The following NCAM2 variants were observed in gnomAD, a reference collection of about 807,000 sequenced individuals.
The protein encoded by NCAM2 is neural cell adhesion molecule 2.
NCAM2 carries 30 observed loss-of-function variants against 98.1 expected under a neutral mutation model. The observed-to-expected ratio is 0.31, with a 90% CI of 0.23 to 0.41. The LOEUF is 0.41. Ranked by LOEUF, NCAM2 falls within the 10% of genes least tolerant of loss-of-function variation. The pLI is 1.00. For synonymous variants in NCAM2, 368 were observed against 342.4 expected, an observed-to-expected ratio of 1.07 and a Z score of -0.83; for missense variants, 867 against 1,005.8, an observed-to-expected ratio of 0.86 and a Z score of 1.87.
chr21:21,456,262 G>A (rs1217222200), intron 12 of NCAM2, among the ~76,000 whole-genome samples: 2 of 152,152 alleles, frequency 1.3e-5, no homozygotes, highest in African/African-American at 4.8e-5. Flanking sequence ...GTGTATAATA[G>A]TAACAAAGTG....
At chr21:21,171,978 T>A (rs2068139383) in intron 1 of NCAM2, among the ~76,000 whole-genome samples, 1 of 152,170 alleles carries the variant, frequency 6.6e-6, no homozygotes, top group Admixed American at 6.5e-5. Context: ...CTAATCACTG[T>A]AAGCAAAATA....
rs1355107782 is a variant in NCAM2, at chr21:21,282,911, T to C, written c.131-1283T>C. Among the ~76,000 whole-genome samples the C allele has an allele frequency of 2.0e-5, 3 of 151,818 alleles. No individual in the cohort carries two copies. The East Asian group carries it at 5.8e-4, about 29-fold the overall frequency. ...AATGAAAATGAAATGTTCTATTATA[T>C]TAAGAATGAAAAGACTCAAAATATT... On this transcript the variant is annotated intron_variant, in intron 2 of 17. Coordinates refer to ENST00000400546, the MANE Select transcript of NCAM2 (RefSeq NM_004540.5).
intron 1 of NCAM2, among the ~76,000 whole-genome samples, chr21:21,043,535 AAAT>A (rs1169602889): frequency 1.3e-5 from 2 of 151,800 alleles, no homozygotes; most frequent in African/African-American, 2.4e-5. Context: ...ATTTTTGAAG[AAAT>A]AATATTATAT....
At chr21:21,306,782 A>C (rs530628346) in intron 5 of NCAM2, among the ~76,000 whole-genome samples, 1 of 152,206 alleles carries the variant, frequency 6.6e-6, no homozygotes, top group Non-Finnish European at 1.5e-5. Context: ...TCAAATAGTA[A>C]GTCTTATTGA....
chr21:21,191,747 C>T (rs1264063906), intron 1 of NCAM2, among the ~76,000 whole-genome samples: 1 of 152,128 alleles, frequency 6.6e-6, no homozygotes, highest in African/African-American at 2.4e-5. Flanking sequence ...TGAGTTTCTT[C>T]TGTGCAGCAG....
chr21:21,303,912 CAT>C (rs2073804240), intron 5 of NCAM2, among the ~76,000 whole-genome samples: 1 of 152,114 alleles, frequency 6.6e-6, no homozygotes, highest in Non-Finnish European at 1.5e-5. Context: ...CAGCATTGAT[CAT>C]TTTTGGTAAA....
chr21:21,135,086 A>C (rs1281667419), intron 1 of NCAM2, among the ~76,000 whole-genome samples: 1 of 150,372 alleles, frequency 6.7e-6, no homozygotes, highest in Non-Finnish European at 1.5e-5. Flanking sequence ...ATACAAAAAA[A>C]AAAAAAAAAA....
At position 21,396,114 on chromosome 21, in the gene NCAM2, C is replaced by T. The variant is rs141334649; in HGVS notation, c.1196-14160C>T. Among the ~76,000 whole-genome samples, 15 of 150,486 alleles carry T rather than the reference C, an allele frequency of 1.0e-4. No homozygotes were observed. The East Asian group carries it at 1.2e-3, about 12-fold the overall frequency. On this transcript the variant is annotated intron_variant, in intron 9 of 17. Coordinates refer to ENST00000400546, the MANE Select transcript of NCAM2 (RefSeq NM_004540.5). ...AGAGAATCTTCACAAACTGTGCATC[C>T]GACAAAGGACTAATATCAAGAATCT...
At chr21:21,452,682 A>G (rs1388858601) in intron 12 of NCAM2, among the ~76,000 whole-genome samples, 3 of 112,484 alleles carry the variant, frequency 2.7e-5, no homozygotes, top group East Asian at 2.5e-4. Flanking sequence ...TATGTATTAT[A>G]TATTTATATA....
intron 1 of NCAM2, among the ~76,000 whole-genome samples, chr21:21,172,684 T>G (rs2146855214): frequency 6.6e-6 from 1 of 152,260 alleles, no homozygotes; most frequent in East Asian, 1.9e-4. Flanking sequence ...ACTATCAATT[T>G]TATCTAGAGC....
At chr21:21,472,213 C>T (rs1020866990) in intron 14 of NCAM2, among the ~76,000 whole-genome samples, 2 of 151,806 alleles carry the variant, frequency 1.3e-5, no homozygotes, top group African/African-American at 4.8e-5. Context: ...TAATTGGTAG[C>T]TTAAAATCAA....
intron 1 of NCAM2, among the ~76,000 whole-genome samples, chr21:21,145,170 G>A (rs2067245934): frequency 1.3e-5 from 2 of 151,938 alleles, no homozygotes; most frequent in Admixed American, 1.3e-4. Context: ...GAAAACCTCT[G>A]ACAATAATGA....
At chr21:21,386,971 C>G (rs1254778452) in intron 9 of NCAM2, among the ~76,000 whole-genome samples, 1 of 152,136 alleles carries the variant, frequency 6.6e-6, no homozygotes, top group Non-Finnish European at 1.5e-5. Flanking sequence ...AGACCTTGCC[C>G]TGGGAATCCC....
intron 1 of NCAM2, among the ~76,000 whole-genome samples, chr21:21,033,080 A>G (rs1486098470): frequency 6.6e-6 from 1 of 151,644 alleles, no homozygotes; most frequent in African/African-American, 2.4e-5. Flanking sequence ...AAGTAGCTGT[A>G]GCTGGGATTA....
chr21:21,112,195 T>A (rs1182085169), intron 1 of NCAM2, among the ~76,000 whole-genome samples: 3 of 152,204 alleles, frequency 2.0e-5, no homozygotes, highest in African/African-American at 7.2e-5. Context: ...TATTCTATAG[T>A]GATTCATTGT....
At chr21:21,422,290 G>A (rs2077127017) in intron 11 of NCAM2, among the ~76,000 whole-genome samples, 1 of 152,138 alleles carries the variant, frequency 6.6e-6, no homozygotes, top group Non-Finnish European at 1.5e-5. Flanking sequence ...ATAGACACTG[G>A]AGACTCCCAA....
intron 16 of NCAM2, among the ~76,000 whole-genome samples, chr21:21,520,753 T>A (rs1039127851): frequency 2.0e-5 from 3 of 152,168 alleles, no homozygotes; most frequent in African/African-American, 7.2e-5. Context: ...TCACAACTTA[T>A]CAGAGCAGAA....
chr21:21,508,986 G>T lies in NCAM2; in HGVS notation c.2213G>T (p.Arg738Ile). Residue 738 changes from arginine (R) to isoleucine (I), a missense_variant, in exon 16 of 18, where the codon AGA becomes ATA. By Grantham distance (97) the Arg-to-Ile change is moderately conservative (BLOSUM62 -3). Coordinates refer to ENST00000400546, the MANE Select transcript of NCAM2 (RefSeq NM_004540.5). ...GGGTTGCTGATGTGCATCACTAGGA[G>T]AATGTGTGGAAAGAAAAGTGGCTCC... ...QCGLLMCITR[R>I]MCGKKSGSSG... is the part of the protein sequence containing the mutation. The T allele has an allele frequency of 1.2e-6, 2 of 1,613,570 alleles. No homozygotes were observed. Among genetic ancestry groups the T allele is most frequent in the Non-Finnish European group, 1.7e-6 (2 of 1,179,764 alleles).
At chr21:21,453,237 G>A (rs1245449558) in intron 12 of NCAM2, among the ~76,000 whole-genome samples, 1 of 150,262 alleles carries the variant, frequency 6.7e-6, no homozygotes, top group Non-Finnish European at 1.5e-5. Context: ...GTGTAAGTGG[G>A]GGTGGGAATG....
Sources: allele counts gnomAD v4.1 joint callset (sites outside exome capture counted in the v4.1 genomes callset), GRCh38; gene constraint gnomAD v4.1.1; transcripts MANE v1.5; gene names NCBI Gene and HGNC (gene_info 2026-07-23, HGNC 2026-07-21).